YWHAG: variants seen among roughly 807,000 people sequenced by gnomAD.
The protein encoded by YWHAG is tyrosine 3-monooxygenase/tryptophan 5-monooxygenase activation protein gamma.
Under a neutral mutation model 23.3 loss-of-function variants are expected in YWHAG, and 1 was observed. The ratio of observed to expected loss-of-function variants is 0.04; its 90% CI spans 0.02 to 0.20. The LOEUF is 0.20. Ranked by LOEUF, YWHAG falls within the 10% of genes least tolerant of loss-of-function variation. The probability of loss-of-function intolerance (pLI) is 1.00; values close to 1 mark genes in which losing one functional copy is unlikely to be tolerated. For synonymous variants in YWHAG, 160 were observed against 144.0 expected, an observed-to-expected ratio of 1.11 and a Z score of -0.80; for missense variants, 151 against 338.6, an observed-to-expected ratio of 0.45 and a Z score of 4.35.
chr7:76,350,618 C>T (rs1486361604), intron 1 of YWHAG, among the ~76,000 whole-genome samples: 1 of 152,142 alleles, frequency 6.6e-6, no homozygotes, highest in Non-Finnish European at 1.5e-5. Context: ...CCAAGGCGGG[C>T]ACATCACCTG....
intron 1 of YWHAG, among the ~76,000 whole-genome samples, chr7:76,352,027 T>A (rs1803883084): frequency 6.6e-6 from 1 of 152,120 alleles, no homozygotes; most frequent in South Asian, 2.1e-4. Context: ...GAGTATGGGG[T>A]TATCCGCATG....
At chr7:76,349,418 TACACACACACACACACAC>T (rs35880008) in intron 1 of YWHAG, among the ~76,000 whole-genome samples, 1 of 147,048 alleles carries the variant, frequency 6.8e-6, no homozygotes, top group African/African-American at 2.5e-5. Flanking sequence ...CATTTATTAA[TACACACACACACACACAC>T]ACACACAGAC....
chr7:76,330,331 T>C (rs900944525), intron 1 of YWHAG, 98 bp from the exon 2 acceptor site: 8 of 1,275,086 alleles, frequency 6.3e-6, no homozygotes, highest in Non-Finnish European at 8.5e-6. Context: ...TTGAGTAACA[T>C]GATGAACAGA....
intron 1 of YWHAG, among the ~76,000 whole-genome samples, chr7:76,339,716 G>A (rs527408458): frequency 6.6e-6 from 1 of 152,146 alleles, no homozygotes; most frequent in Non-Finnish European, 1.5e-5. Context: ...TCAACACGAA[G>A]ACCGTAAGGA....
At chr7:76,357,920 A>G (rs1311982259) in intron 1 of YWHAG, among the ~76,000 whole-genome samples, 1 of 152,214 alleles carries the variant, frequency 6.6e-6, no homozygotes, top group African/African-American at 2.4e-5. Context: ...CACGAATCGA[A>G]CCAGTCAGCT....
chr7:76,347,248 T>C (rs1326937847), intron 1 of YWHAG, among the ~76,000 whole-genome samples: 1 of 152,212 alleles, frequency 6.6e-6, no homozygotes, highest in Non-Finnish European at 1.5e-5. Context: ...TCAGTGCATT[T>C]ATTTCTTTCA....
chr7:76,349,728 A>G (rs569581342), intron 1 of YWHAG, among the ~76,000 whole-genome samples: 29 of 152,326 alleles, frequency 1.9e-4, no homozygotes, highest in African/African-American at 6.0e-4. Flanking sequence ...CTTTTTCTAC[A>G]TGGCCAGCAA....
intron 1 of YWHAG, among the ~76,000 whole-genome samples, chr7:76,334,425 T>G (rs1336191349): frequency 6.6e-6 from 1 of 152,156 alleles, no homozygotes; most frequent in Non-Finnish European, 1.5e-5. Flanking sequence ...AGTCATTAAA[T>G]TTGTTGTTGT....
rs759666738 is a variant in YWHAG at position 76,358,722 on chromosome 7, G to T, written c.87C>A (p.Asn29Lys). ...GCGGGGGAGGGGAGGAGACACTCACGTTCTTCATGGCCGCGGCCATGTCGT... is the reference window on the plus strand; with the variant it reads ...GCGGGGGAGGGGAGGAGACACTCACTTTCTTCATGGCCGCGGCCATGTCGT... ...RYDDMAAAMKNVTELNEPLSN... is the reference protein window; with the variant it reads ...RYDDMAAAMKKVTELNEPLSN... Residue 29 changes from asparagine (N) to lysine (K), a missense_variant and splice_region_variant, in exon 1 of 2, where the codon AAC (asparagine) becomes AAA (lysine). Asn to Lys is a moderately conservative substitution (Grantham distance 94). Coordinates refer to ENST00000307630, the MANE Select transcript of YWHAG (RefSeq NM_012479.4). 3 of 1,588,804 alleles carry T rather than the reference G, an allele frequency of 1.9e-6. No individual in the cohort carries two copies. Among genetic ancestry groups the T allele is most frequent in the Non-Finnish European group, 2.6e-6 (3 of 1,168,796 alleles).
chr7:76,331,286 G>GGGATGGGGAGGGGAGA (rs1554616743), intron 1 of YWHAG, among the ~76,000 whole-genome samples: 4,406 of 150,262 alleles, frequency 0.029, 232 homozygotes, highest in African/African-American at 0.1. Flanking sequence ...GCTGGGGATG[G>GGGATGGGGAGGGGAGA]GGAGAGGAGA....
At chr7:76,336,525 G>C (rs1272530034) in intron 1 of YWHAG, among the ~76,000 whole-genome samples, 3 of 148,436 alleles carry the variant, frequency 2.0e-5, no homozygotes, top group Non-Finnish European at 4.4e-5. Context: ...GCACGATCTA[G>C]GCTCACTGCA....
chr7:76,330,155 G>A lies in YWHAG; in HGVS notation c.166C>T (p.Arg56Cys), dbSNP rs750576954. Reference sequence around the variant, plus strand: ...CTGATGACCCTCCAGGAAGAGCGGCGTGCCCCCACAACGTTCTTGTAGGCC... The same window carrying A: ...CTGATGACCCTCCAGGAAGAGCGGCATGCCCCCACAACGTTCTTGTAGGCC... ...SVAYKNVVGA[R>C]RSSWRVISSI... Residue 56 changes from arginine to cysteine, a missense_variant, in exon 2 of 2, where the codon CGC becomes TGC. Arg to Cys is a radical substitution (Grantham distance 180, BLOSUM62 -3). Transcript: ENST00000307630. 3 of 1,613,980 alleles carry A rather than the reference G, an allele frequency of 1.9e-6. No homozygotes were observed. Among genetic ancestry groups the A allele is most frequent in the South Asian group, 1.1e-5 (1 of 91,062 alleles).
chr7:76,329,194 G>A lies in YWHAG; in HGVS notation c.*383C>T, dbSNP rs1458663720. The A allele has an allele frequency of 2.0e-5, 4 of 201,472 alleles. No homozygotes were observed. The highest frequency in any genetic ancestry group is 4.7e-5 in the African/African-American group (2 of 42,418). The allele number at this position is 201,472 out of a possible 1,614,324, so 12.5% of individuals were successfully genotyped here. A position where few individuals can be genotyped will look rare whatever the true frequency, so the allele number is the denominator to read the frequency against. On this transcript the variant is annotated 3_prime_UTR_variant, in exon 2 of 2. Coordinates refer to ENST00000307630, the MANE Select transcript of YWHAG (RefSeq NM_012479.4). This position sits in a 1 kb window ranked among gnomAD's most constrained non-coding sequence, Gnocchi z 6.1. The stretch of plus-strand genomic sequence containing the variant: ...AGTACCCAAAACGAGAGACGAGAGC[G>A]TATGTACATAAAAATCCTTACTGGA...
intron 1 of YWHAG, among the ~76,000 whole-genome samples, chr7:76,340,059 T>C (rs930664769): frequency 2.0e-5 from 3 of 151,878 alleles, no homozygotes; most frequent in Non-Finnish European, 4.4e-5. Context: ...ATTGCACTCC[T>C]GCCTGGGCGA....
chr7:76,335,068 A>AT (rs910719087), intron 1 of YWHAG, among the ~76,000 whole-genome samples: 11 of 151,844 alleles, frequency 7.2e-5, no homozygotes, highest in Middle Eastern at 3.4e-3. Flanking sequence ...TATTTTATTT[A>AT]TTTTTTTTGA....
chr7:76,345,185 C>CTTTT (rs944242945), intron 1 of YWHAG, among the ~76,000 whole-genome samples: 4 of 132,264 alleles, frequency 3.0e-5, no homozygotes, highest in Non-Finnish European at 4.8e-5. Context: ...TATCCTAAGG[C>CTTTT]TTTTTTTTTT....
At chr7:76,350,630 G>C (rs1187980482) in intron 1 of YWHAG, among the ~76,000 whole-genome samples, 1 of 152,200 alleles carries the variant, frequency 6.6e-6, no homozygotes, top group Non-Finnish European at 1.5e-5. Context: ...CATCACCTGA[G>C]GCCAGGAGTT....
chr7:76,343,576 G>A (rs750173674), intron 1 of YWHAG, among the ~76,000 whole-genome samples: 12 of 152,054 alleles, frequency 7.9e-5, no homozygotes, highest in Admixed American at 1.3e-4. Flanking sequence ...TTTCAAAAAG[G>A]GTCCTAGTAA....
chr7:76,349,337 CAAAAA>C (rs35871141), intron 1 of YWHAG, among the ~76,000 whole-genome samples: 1 of 118,924 alleles, frequency 8.4e-6, no homozygotes. Flanking sequence ...GACTCTGTCT[CAAAAA>C]AAAAAAAAAA....
Sources: allele counts gnomAD v4.1 joint callset (sites outside exome capture counted in the v4.1 genomes callset), GRCh38; gene constraint gnomAD v4.1.1; non-coding constraint Gnocchi (gnomAD v3.1); transcripts MANE v1.5; gene names NCBI Gene and HGNC (gene_info 2026-07-23, HGNC 2026-07-21).